ZSWIM5: variants seen among roughly 807,000 people sequenced by gnomAD.
ZSWIM5 encodes the protein zinc finger SWIM domain-containing protein 5.
In ZSWIM5, 55 loss-of-function variants were observed where a neutral mutation model predicts 119.6. The observed-to-expected ratio is 0.46, with a 90% CI of 0.37 to 0.58. The LOEUF (loss-of-function observed/expected upper bound fraction) is 0.58. ZSWIM5 is among the 20% of genes least tolerant of loss of function. The pLI is 0.00. For synonymous variants in ZSWIM5, 537 were observed against 606.9 expected (o/e 0.88, Z 1.69); for missense variants, 1,193 against 1,512.8 (o/e 0.79, Z 3.51).
chr1:45,032,886 T>A (rs1644961625), intron 11 of ZSWIM5, among the ~76,000 whole-genome samples: 1 of 152,178 alleles, frequency 6.6e-6, no homozygotes, highest in Non-Finnish European at 1.5e-5. Context: ...CATACTTGTT[T>A]TTTTGTCCTT....
At position 45,018,617 on chromosome 1, in the gene ZSWIM5, G is replaced by A. The variant is rs759645791; in HGVS notation, c.3395C>T (p.Pro1132Leu). 6.2e-7 allele frequency: 1 copy of A among 1,614,254 alleles called. No homozygotes were observed. Among genetic ancestry groups the A allele is most frequent in the Non-Finnish European group, 8.5e-7 (1 of 1,180,048 alleles). Residue 1132 changes from proline (P) to leucine (L), a missense_variant, in exon 14 of 14, where the codon CCT (proline) becomes CTT (leucine). Pro to Leu is a moderately conservative substitution (Grantham distance 98, BLOSUM62 -3). Coordinates refer to ENST00000359600, the MANE Select transcript of ZSWIM5 (RefSeq NM_020883.2). This position sits in a 1 kb window ranked among gnomAD's most constrained non-coding sequence, Gnocchi z 6.7. ...CTCAATGAACTCTCCATAGTGGCGAGGGCTGATGTGTGTTAGGCGTGAGTG... is the reference window on the plus strand; with the variant it reads ...CTCAATGAACTCTCCATAGTGGCGAAGGCTGATGTGTGTTAGGCGTGAGTG... ...TTHSRLTHIS[P>L]RHYGEFIEFL... is the part of the protein sequence containing the mutation.
At chr1:45,037,844 A>G (rs1644995035) in intron 8 of ZSWIM5, among the ~76,000 whole-genome samples, 1 of 152,240 alleles carries the variant, frequency 6.6e-6, no homozygotes, top group Non-Finnish European at 1.5e-5. Flanking sequence ...CAGTGGGTGC[A>G]CAATTTCAGG....
intron 1 of ZSWIM5, among the ~76,000 whole-genome samples, chr1:45,104,930 G>A (rs75333747): frequency 0.021 from 3,143 of 152,298 alleles, 114 homozygotes; most frequent in African/African-American, 0.072. Context: ...CACTTACAGC[G>A]ATAACCTTGC....
chr1:45,018,804 A>G lies in ZSWIM5; in HGVS notation c.3208T>C (p.Cys1070Arg), dbSNP rs750209586. The change falls in exon 14 of 14, where the codon TGT becomes CGT. Residue 1070 changes from cysteine to arginine, a missense_variant. Transcript: ENST00000359600. The surrounding 1 kb of genome is among the most constrained non-coding windows in gnomAD (Gnocchi z 6.7). ...LIPLVVKSVH[C>R]ATVLSDILRR... is the part of the protein sequence containing the mutation. Reference sequence around the variant, plus strand: ...AAGATGTCTGAAAGCACTGTGGCACAGTGCACACTCTTCACCACCAGGGGG... The same window carrying G: ...AAGATGTCTGAAAGCACTGTGGCACGGTGCACACTCTTCACCACCAGGGGG... The G allele has an allele frequency of 2.5e-6, 4 of 1,614,122 alleles. No homozygotes were observed. The African/African-American group carries it at 4.0e-5, about 16-fold the overall frequency.
In ZSWIM5 at chr1:45,017,600, A is replaced by G. The variant is rs1357809065; in HGVS notation, c.*854T>C. On this transcript the variant is annotated 3_prime_UTR_variant, in exon 14 of 14. Transcript: ENST00000359600. ...TAAAGATACACACACACAATTATAG[A>G]TGAAACCACACACTTGCTAACACAA... 6.6e-6 allele frequency: 1 copy of G among 152,280 alleles called. No individual in the cohort carries two copies. Among genetic ancestry groups the G allele is most frequent in the Non-Finnish European group, 1.5e-5 (1 of 68,062 alleles). The allele number at this position is 152,280 out of a possible 1,614,324, so 9.4% of individuals were successfully genotyped here.
chr1:45,204,398 T>A (rs1334736382), intron 1 of ZSWIM5, among the ~76,000 whole-genome samples: 1 of 152,182 alleles, frequency 6.6e-6, no homozygotes, highest in Admixed American at 6.5e-5. Flanking sequence ...AGTCACTCTT[T>A]CAAAAATATA....
rs545945647 is a variant in ZSWIM5 at position 45,176,124 on chromosome 1, A to C, written c.595+29632T>G. ...TACTGCTCTAAGGCCCTCTCAGTTA[A>C]CTGAATGCCATATATATATATAATA... is the stretch of plus-strand genomic sequence containing the variant. On this transcript the variant is annotated intron_variant, in intron 1 of 13. Coordinates refer to ENST00000359600, the MANE Select transcript of ZSWIM5 (RefSeq NM_020883.2). Among the ~76,000 whole-genome samples the C allele has an allele frequency of 2.0e-5, 3 of 149,102 alleles. No individual in the cohort carries two copies. In the East Asian group the frequency reaches 5.8e-4, roughly 29 times the overall value.
intron 1 of ZSWIM5, among the ~76,000 whole-genome samples, chr1:45,172,544 TG>T (rs1161177478): frequency 6.6e-6 from 1 of 152,160 alleles, no homozygotes; most frequent in Non-Finnish European, 1.5e-5. Flanking sequence ...CTGTTGTAAT[TG>T]GTAGTTCTGC....
At position 45,052,098 on chromosome 1, in the gene ZSWIM5, G is replaced by C. The variant is rs149015926; in HGVS notation, c.1253-845C>G. ...CACTGCTGCAACCTCCACCTCCTGAGTTCAAGCAATTCTCCAGCCTCAGCG... is the reference window on the plus strand; with the variant it reads ...CACTGCTGCAACCTCCACCTCCTGACTTCAAGCAATTCTCCAGCCTCAGCG... On this transcript the variant is annotated intron_variant, in intron 4 of 13. Transcript: ENST00000359600. Among the ~76,000 whole-genome samples the C allele has an allele frequency of 3.4e-3, 513 of 150,866 alleles. 6 individuals carry two copies. Among genetic ancestry groups the C allele is most frequent in the East Asian group, 0.017 (85 of 5,116 alleles).
intron 1 of ZSWIM5, among the ~76,000 whole-genome samples, chr1:45,092,292 G>A (rs1186424881): frequency 6.6e-6 from 1 of 151,900 alleles, no homozygotes; most frequent in African/African-American, 2.4e-5. Context: ...TTTTTTGTTT[G>A]TTGGTTTGTT....
At chr1:45,126,678 G>C (rs560208586) in intron 1 of ZSWIM5, among the ~76,000 whole-genome samples, 1 of 152,138 alleles carries the variant, frequency 6.6e-6, no homozygotes, top group East Asian at 1.9e-4. Flanking sequence ...AGAAGCAGGA[G>C]GATAGCTTGA....
At chr1:45,049,143 T>TA (rs747449190) in intron 5 of ZSWIM5, among the ~76,000 whole-genome samples, 10 of 151,698 alleles carry the variant, frequency 6.6e-5, no homozygotes, top group Non-Finnish European at 1.3e-4. Flanking sequence ...AAAAAGAAAT[T>TA]AAAAAAAGAA....
intron 1 of ZSWIM5, among the ~76,000 whole-genome samples, chr1:45,195,450 C>G (rs2149055021): frequency 6.6e-6 from 1 of 152,038 alleles, no homozygotes; most frequent in East Asian, 1.9e-4. Flanking sequence ...CCAGGCTGTT[C>G]TTGAACTCCT....
At chr1:45,127,384 TG>T (rs1485572639) in intron 1 of ZSWIM5, among the ~76,000 whole-genome samples, 1 of 151,602 alleles carries the variant, frequency 6.6e-6, no homozygotes, top group East Asian at 1.9e-4. Flanking sequence ...ACATACTTAA[TG>T]GTGAAAGATT....
intron 1 of ZSWIM5, among the ~76,000 whole-genome samples, chr1:45,204,847 CAA>C (rs1646177701): frequency 6.6e-6 from 1 of 152,108 alleles, no homozygotes; most frequent in Non-Finnish European, 1.5e-5. Context: ...TTCCACATAG[CAA>C]AGTCAATGTT....
chr1:45,126,873 C>T (rs1028961198), intron 1 of ZSWIM5, among the ~76,000 whole-genome samples: 1 of 152,172 alleles, frequency 6.6e-6, no homozygotes, highest in African/African-American at 2.4e-5. Flanking sequence ...GGGTCTCACT[C>T]TGTCAACTAT....
intron 7 of ZSWIM5, among the ~76,000 whole-genome samples, chr1:45,039,745 C>G (rs111413309): frequency 0.064 from 9,761 of 151,900 alleles, 1,050 homozygotes; most frequent in African/African-American, 0.22. Context: ...GCTCTTGTTG[C>G]CCAGGCTGGA....
intron 1 of ZSWIM5, among the ~76,000 whole-genome samples, chr1:45,132,976 G>C (rs1429381904): frequency 3.3e-5 from 5 of 152,166 alleles, no homozygotes; most frequent in South Asian, 4.2e-4. Context: ...GTATTCCATG[G>C]TGTATATGTG....
chr1:45,178,188 G>C (rs1050542695), intron 1 of ZSWIM5, among the ~76,000 whole-genome samples: 1 of 152,068 alleles, frequency 6.6e-6, no homozygotes, highest in Admixed American at 6.6e-5. Context: ...CACTTTCGGA[G>C]GCTGAGGCAA....
Sources: allele counts gnomAD v4.1 joint callset (sites outside exome capture counted in the v4.1 genomes callset), GRCh38; gene constraint gnomAD v4.1.1; non-coding constraint Gnocchi (gnomAD v3.1); transcripts MANE v1.5; gene names NCBI Gene and HGNC (gene_info 2026-07-23, HGNC 2026-07-21).